Variants in WDPCP observed in about 807,000 individuals in gnomAD.
WDPCP encodes the protein WD repeat-containing and planar cell polarity effector protein fritz homolog.
Under a neutral mutation model 93.1 loss-of-function variants are expected in WDPCP, and 71 were observed. The observed-to-expected ratio is 0.76, with a 90% CI of 0.63 to 0.93. The LOEUF is 0.93. Ranked by LOEUF, WDPCP falls within the 40% of genes least tolerant of loss-of-function variation. The probability of loss-of-function intolerance (pLI) is 0.00; values close to 1 mark genes in which losing one functional copy is unlikely to be tolerated. For missense variants in WDPCP, 844 were observed against 887.4 expected (o/e 0.95, Z 0.62); for synonymous variants, 315 against 315.0 (o/e 1.00, Z 0.00).
intron 3 of WDPCP, among the ~76,000 whole-genome samples, chr2:63,610,514 C>T (rs1279657545): frequency 6.6e-6 from 1 of 151,066 alleles, no homozygotes; most frequent in African/African-American, 2.4e-5. Context: ...AAATGAAAAC[C>T]AAATTTTTGT....
At chr2:63,445,926 G>A (rs912898666) in intron 6 of WDPCP, among the ~76,000 whole-genome samples, 2 of 152,164 alleles carry the variant, frequency 1.3e-5, no homozygotes, top group Non-Finnish European at 2.9e-5. Flanking sequence ...ATAGTAATAA[G>A]GTTAATCTCA....
intron 2 of WDPCP, among the ~76,000 whole-genome samples, chr2:63,740,574 T>C (rs532586238): frequency 6.6e-6 from 1 of 152,208 alleles, no homozygotes; most frequent in East Asian, 1.9e-4. Flanking sequence ...ATAAATTATC[T>C]GTTTGTTTTT....
chr2:63,439,646 CTTG>C, intron 7 of WDPCP, 108 bp downstream of exon 7: 1 of 900,206 alleles, frequency 1.1e-6, no homozygotes, highest in Non-Finnish European at 1.8e-6. Context: ...CAAGCAATTA[CTTG>C]TTGTGTTTGC....
At chr2:63,527,777 T>A (rs1013508856) in intron 1 of WDPCP, among the ~76,000 whole-genome samples, 29 of 152,162 alleles carry the variant, frequency 1.9e-4, no homozygotes, top group African/African-American at 7.0e-4. Context: ...TAGTTCTAGA[T>A]CCTTGAGGAA....
chr2:63,824,005 T>C (rs1411245727), intron 1 of WDPCP, among the ~76,000 whole-genome samples: 1 of 151,996 alleles, frequency 6.6e-6, no homozygotes, highest in Non-Finnish European at 1.5e-5. Context: ...GAGACCCCTG[T>C]TGATATTGTT....
Position 63,449,713 on chromosome 2 carries a change from T to G in WDPCP, c.385-9842A>C, listed in dbSNP as rs145929355. 5.7e-3 allele frequency among the ~76,000 whole-genome samples: 868 copies of G among 152,104 alleles called. 7 individuals are homozygous for G. The highest frequency in any genetic ancestry group is 5.2e-3 in the Non-Finnish European group (351 of 67,978). ...AGGGCACTACACCAGACAGAAAACT[T>G]GTACTGGGTCATGGACCCTACCCCA... is the stretch of plus-strand genomic sequence containing the variant. On this transcript the variant is annotated intron_variant, in intron 6 of 17. Transcript: ENST00000272321.
intron 1 of WDPCP, among the ~76,000 whole-genome samples, chr2:63,533,577 C>T (rs1214406059): frequency 6.6e-6 from 1 of 152,160 alleles, no homozygotes; most frequent in Non-Finnish European, 1.5e-5. Flanking sequence ...TGCTCAACTA[C>T]ATGGAGACTG....
chr2:63,605,166 G>A, intron 3 of WDPCP: 1 of 712,498 alleles, frequency 1.4e-6, no homozygotes, highest in Non-Finnish European at 2.4e-6. Flanking sequence ...TGATTTTGGA[G>A]GGGAAACATT....
intron 13 of WDPCP, among the ~76,000 whole-genome samples, chr2:63,275,504 T>C (rs905622355): frequency 6.6e-6 from 1 of 152,214 alleles, no homozygotes; most frequent in African/African-American, 2.4e-5. Context: ...CATGATCTTA[T>C]ACCTAGAAAG....
intron 13 of WDPCP, among the ~76,000 whole-genome samples, chr2:63,293,915 G>A (rs757267431): frequency 1.3e-5 from 2 of 152,036 alleles, no homozygotes; most frequent in Admixed American, 6.5e-5. Context: ...AGCTCCAGAA[G>A]GAAAAGAGAA....
intron 17 of WDPCP, among the ~76,000 whole-genome samples, chr2:63,140,601 C>T (rs1454111828): frequency 6.7e-6 from 1 of 148,254 alleles, no homozygotes; most frequent in East Asian, 2.0e-4. Context: ...AGTTCTTGAT[C>T]TGATTCTCCA....
chr2:63,332,933 T>C (rs1419971379), intron 12 of WDPCP, among the ~76,000 whole-genome samples: 2 of 152,146 alleles, frequency 1.3e-5, no homozygotes, highest in Non-Finnish European at 2.9e-5. Context: ...ATCTAAGAAA[T>C]CTTTATATCA....
At chr2:63,256,072 G>A (rs1007770523) in intron 14 of WDPCP, among the ~76,000 whole-genome samples, 2 of 152,096 alleles carry the variant, frequency 1.3e-5, no homozygotes, top group Non-Finnish European at 2.9e-5. Context: ...TCATGGATTG[G>A]AAAACAATAT....
At chr2:63,731,880 A>C (rs1396937765) in intron 2 of WDPCP, among the ~76,000 whole-genome samples, 1 of 152,220 alleles carries the variant, frequency 6.6e-6, no homozygotes, top group Admixed American at 6.5e-5. Flanking sequence ...GGTGATAAGA[A>C]GTATATTTGT....
At chr2:63,389,863 G>T (rs1693070218) in intron 10 of WDPCP, among the ~76,000 whole-genome samples, 1 of 152,126 alleles carries the variant, frequency 6.6e-6, no homozygotes, top group Non-Finnish European at 1.5e-5. Flanking sequence ...AAATATATAT[G>T]CACCCAATAC....
intron 3 of WDPCP, among the ~76,000 whole-genome samples, chr2:63,640,487 C>G (rs969702027): frequency 2.0e-5 from 3 of 152,094 alleles, no homozygotes; most frequent in African/African-American, 4.8e-5. Flanking sequence ...GAGTGAGACT[C>G]TCTGAAAAAC....
chr2:63,131,598 C>T (rs1670295445), intron 17 of WDPCP, among the ~76,000 whole-genome samples: 1 of 152,008 alleles, frequency 6.6e-6, no homozygotes, highest in Non-Finnish European at 1.5e-5. Flanking sequence ...TGGATTTGTG[C>T]ACCAGAATTA....
At chr2:63,251,681 C>T (rs765103997) in intron 14 of WDPCP, among the ~76,000 whole-genome samples, 4 of 151,414 alleles carry the variant, frequency 2.6e-5, no homozygotes, top group Non-Finnish European at 5.9e-5. Flanking sequence ...TTAGTAGAGA[C>T]GGGGTTTCAC....
At chr2:63,839,707 T>C in the WDPCP span, among the ~76,000 whole-genome samples, 7 of 152,248 alleles carry the variant, frequency 4.6e-5, no homozygotes, top group Non-Finnish European at 1.0e-4. Context: ...GCTTTTTCAG[T>C]GCTGGAACAA....
Sources: gnomAD v4.1 joint callset for allele counts (sites outside exome capture counted in the v4.1 genomes callset) on GRCh38, gnomAD v4.1.1 for gene constraint, MANE v1.5 for transcripts, NCBI Gene and HGNC (gene_info 2026-07-23, HGNC 2026-07-21) for gene names.